The following CRAMP1 variants were observed in gnomAD, a reference collection of about 807,000 sequenced individuals.
The protein encoded by CRAMP1 is protein cramped-like.
CRAMP1 carries 50 observed loss-of-function variants against 115.4 expected under a neutral mutation model. That is an observed-to-expected ratio of 0.43 (90% confidence interval 0.35 to 0.55). The LOEUF is 0.55. CRAMP1 is among the 20% of genes least tolerant of loss of function. The pLI, the probability that CRAMP1 is intolerant of heterozygous loss-of-function variation, is 0.01. For missense variants in CRAMP1, 1,679 were observed against 1,721.7 expected (o/e 0.98, Z 0.44); for synonymous variants, 866 against 745.4 (o/e 1.16, Z -2.64).
intron 6 of CRAMP1, among the ~76,000 whole-genome samples, chr16:1,641,927 T>TG (rs1414357523): frequency 6.6e-6 from 1 of 152,046 alleles, no homozygotes; most frequent in Non-Finnish European, 1.5e-5. Flanking sequence ...TTCCACAGCC[T>TG]GGGGGTTCCC....
intron 18 of CRAMP1, 35 bp downstream of exon 18, chr16:1,668,228 A>C: frequency 2.8e-6 from 4 of 1,447,882 alleles, no homozygotes; most frequent in Non-Finnish European, 3.9e-6. Context: ...CCTTCCTGTC[A>C]TCAGGTGTTG....
chr16:1,665,029 C>A (rs758402307), intron 13 of CRAMP1, 28 bp from the exon 14 acceptor site: 79 of 1,503,496 alleles, frequency 5.3e-5, no homozygotes, highest in Non-Finnish European at 6.7e-5. Flanking sequence ...AGTTTCATCA[C>A]CTTGATTGTT....
chr16:1,622,509 A>G (rs1237488557), intron 2 of CRAMP1, among the ~76,000 whole-genome samples: 1 of 152,228 alleles, frequency 6.6e-6, no homozygotes, highest in Non-Finnish European at 1.5e-5. Flanking sequence ...GACTCCTTAC[A>G]CAACAGCAAC....
At chr16:1,628,345 C>T (rs528316983) in intron 3 of CRAMP1, among the ~76,000 whole-genome samples, 3 of 152,324 alleles carry the variant, frequency 2.0e-5, no homozygotes, top group East Asian at 1.9e-4. Flanking sequence ...CCTCCACCTC[C>T]TGGGTTAAAG....
At chr16:1,635,228 G>A (rs982900014) in intron 4 of CRAMP1, among the ~76,000 whole-genome samples, 10 of 152,048 alleles carry the variant, frequency 6.6e-5, no homozygotes, top group African/African-American at 2.2e-4. Flanking sequence ...AGCACACCGT[G>A]TGCACTTTAT....
At chr16:1,650,606 A>G (rs1001245603) in intron 6 of CRAMP1, among the ~76,000 whole-genome samples, 2 of 152,240 alleles carry the variant, frequency 1.3e-5, no homozygotes, top group Non-Finnish European at 2.9e-5. Context: ...TAGTGAATTT[A>G]CATAAGTAAG....
At chr16:1,639,591 C>T (rs2036615394) in intron 5 of CRAMP1, among the ~76,000 whole-genome samples, 1 of 152,116 alleles carries the variant, frequency 6.6e-6, no homozygotes, top group Non-Finnish European at 1.5e-5. Flanking sequence ...GAAGACTTGG[C>T]CCCAGTCTTG....
chr16:1,668,924 C>A, intron 18 of CRAMP1, 77 bp from the exon 19 acceptor site: 1 of 1,425,442 alleles, frequency 7.0e-7, no homozygotes, highest in East Asian at 2.3e-5. Flanking sequence ...CTGCCTTCTC[C>A]GTGGTGGGCT....
chr16:1,620,436 G>A (rs190005278), intron 2 of CRAMP1, among the ~76,000 whole-genome samples: 45 of 152,284 alleles, frequency 3.0e-4, no homozygotes, highest in Non-Finnish European at 5.6e-4. Context: ...GGGGAGACGG[G>A]TGTGTTCACT....
intron 6 of CRAMP1, among the ~76,000 whole-genome samples, chr16:1,641,825 ACAGCCTGGGGGGGTTCCCCACTCCG>A (rs2036634661): frequency 6.6e-6 from 1 of 150,704 alleles, no homozygotes; most frequent in South Asian, 2.1e-4. Context: ...TCCCCACGCC[ACAGCCTGGGGGGGTTCCCCACTCCG>A]CAGCCTGGGG....
At position 1,655,215 on chromosome 16, in the gene CRAMP1, G is replaced by A. The variant is rs1461480602; in HGVS notation, c.1038-4G>A. 26 of 1,613,056 alleles carry A rather than the reference G, an allele frequency of 1.6e-5. No individual in the cohort carries two copies. Among genetic ancestry groups the A allele is most frequent in the African/African-American group, 9.3e-5 (7 of 74,910 alleles). ...TCACTTCCTCCTGTCTGTCGTCTCCGTAGGATGATCGTGGAGCTACATCGA... is the reference window on the plus strand; with the variant it reads ...TCACTTCCTCCTGTCTGTCGTCTCCATAGGATGATCGTGGAGCTACATCGA... On this transcript the variant is annotated splice_region_variant and splice_polypyrimidine_tract_variant and intron_variant, in intron 8 of 20. Transcript: ENST00000397412.
chr16:1,667,439 C>T (rs755262669), intron 17 of CRAMP1, 39 bp downstream of exon 17: 2 of 1,535,264 alleles, frequency 1.3e-6, no homozygotes, highest in East Asian at 2.2e-5. Context: ...AAGCAGCTGC[C>T]CCAGGACTCC....
At chr16:1,640,902 AG>A (rs1955277647) in intron 5 of CRAMP1, among the ~76,000 whole-genome samples, 1 of 151,884 alleles carries the variant, frequency 6.6e-6, no homozygotes, top group African/African-American at 2.4e-5. Context: ...CTGCCTGAGG[AG>A]GGGGCCAGGC....
Position 1,626,130 on chromosome 16 carries a change from A to G in CRAMP1, c.504A>G (p.Thr168=). 6.5e-7 allele frequency: 1 copy of G among 1,544,498 alleles called. No individual in the cohort carries two copies. Among genetic ancestry groups the G allele is most frequent in the Non-Finnish European group, 8.7e-7 (1 of 1,143,082 alleles). The change falls in exon 3 of 21, where the codon ACA becomes ACG. Residue 168 remains threonine, a synonymous_variant. Transcript: ENST00000397412. ...GGCGGCAGTGGGAGTCGTGGAGCACAGAGGACAAGAACACCTTCTTCGAGG... is the reference window on the plus strand; with the variant it reads ...GGCGGCAGTGGGAGTCGTGGAGCACGGAGGACAAGAACACCTTCTTCGAGG... ...KVRRQWESWS[T]EDKNTFFEGL...
chr16:1,662,619 C>T lies in CRAMP1; in HGVS notation c.2543C>T (p.Ser848Phe). The change falls in exon 12 of 21, where the codon TCT (serine) becomes TTT (phenylalanine). Residue 848 changes from serine to phenylalanine, a missense_variant. Around this residue, in one of 8 missense-constraint regions of CRAMP1, gnomAD observed 709 missense variants for 741.9 expected, o/e 0.96. Transcript: ENST00000397412. ...PPNSRHGKLF[S>F]PSKEAELTFR... ...AACAGCCGACACGGGAAGCTCTTCT[C>T]TCCCAGTAAAGAAGCAGAGCTGACT... is the stretch of plus-strand genomic sequence containing the variant. 6.2e-7 allele frequency: 1 copy of T among 1,614,032 alleles called. No individual in the cohort carries two copies. Among genetic ancestry groups the T allele is most frequent in the Non-Finnish European group, 8.5e-7 (1 of 1,179,892 alleles).
chr16:1,638,729 T>G (rs973799944), intron 5 of CRAMP1, among the ~76,000 whole-genome samples: 2 of 152,082 alleles, frequency 1.3e-5, no homozygotes, highest in African/African-American at 2.4e-5. Context: ...ATGTCACAGC[T>G]CAGGGCGGGT....
At chr16:1,615,660 C>G (rs1333389655) in intron 2 of CRAMP1, among the ~76,000 whole-genome samples, 2 of 152,230 alleles carry the variant, frequency 1.3e-5, no homozygotes, top group East Asian at 3.8e-4. Flanking sequence ...GCTGGGGTCT[C>G]TTACCAAGAT....
Position 1,625,924 on chromosome 16 carries a change from G to A in CRAMP1, c.347-49G>A, listed in dbSNP as rs1289755082. ...TCCCACCGGCCCTCTACCCTGCCCA[G>A]CCCGCCAGCTTTCTGGAACAGATCA... On this transcript the variant is annotated intron_variant, in intron 2 of 20. Coordinates refer to ENST00000397412, the MANE Select transcript of CRAMP1 (RefSeq NM_020825.4). 5 of 1,541,572 alleles carry A rather than the reference G, an allele frequency of 3.2e-6. No homozygotes were observed. In the Admixed American group the frequency reaches 7.9e-5, roughly 24 times the overall value.
chr16:1,668,026 C>T lies in CRAMP1; in HGVS notation c.3167C>T (p.Pro1056Leu), dbSNP rs757328704. ...KAPLQNGLSI[P>L]LSSSESSSTR... ...CCTCTCCAGAATGGCCTCTCCATAC[C>T]GCTGTCCTCGTCAGAGAGCTCCAGC... Residue 1056 changes from proline (P) to leucine (L), a missense_variant, in exon 18 of 21, where the codon CCG (proline) becomes CTG (leucine). Coordinates refer to ENST00000397412, the MANE Select transcript of CRAMP1 (RefSeq NM_020825.4). 1.6e-5 allele frequency: 26 copies of T among 1,613,736 alleles called. No individual in the cohort carries two copies. Among genetic ancestry groups the T allele is most frequent in the Admixed American group, 1.0e-4 (6 of 59,980 alleles).
Sources: allele counts gnomAD v4.1 joint callset (sites outside exome capture counted in the v4.1 genomes callset), GRCh38; gene constraint gnomAD v4.1.1; regional missense constraint gnomAD v4.1.1; transcripts MANE v1.5; gene names NCBI Gene and HGNC (gene_info 2026-07-23, HGNC 2026-07-21).